The following SHISA9 variants were observed in gnomAD, a reference collection of about 807,000 sequenced individuals.
SHISA9 encodes shisa family member 9.
In SHISA9, 13 loss-of-function variants were observed where a neutral mutation model predicts 38.0. The observed-to-expected ratio is 0.34, with a 90% CI of 0.22 to 0.54. SHISA9 has a LOEUF of 0.54. Ranked by LOEUF, SHISA9 falls within the 20% of genes least tolerant of loss-of-function variation. The pLI is 0.91. For synonymous variants in SHISA9, 275 were observed against 242.0 expected (o/e 1.14, Z -1.27); for missense variants, 538 against 575.8 (o/e 0.93, Z 0.67).
chr16:13,307,397 C>A, the SHISA9 span, among the ~76,000 whole-genome samples: 1 of 152,256 alleles, frequency 6.6e-6, no homozygotes, highest in East Asian at 1.9e-4. Flanking sequence ...TTCAGACATC[C>A]AGGAATGAGG....
intron 2 of SHISA9, among the ~76,000 whole-genome samples, chr16:13,034,851 C>T (rs2073034835): frequency 1.3e-5 from 2 of 152,164 alleles, no homozygotes; most frequent in Admixed American, 6.5e-5. Flanking sequence ...AGGTCATTCC[C>T]TTCTCCCATC....
At chr16:13,406,407 G>A in the SHISA9 span, among the ~76,000 whole-genome samples, 1 of 152,106 alleles carries the variant, frequency 6.6e-6, no homozygotes. Context: ...TGGCTACCTG[G>A]AATAGATTCC....
chr16:12,970,373 ATATATATACATATATG>A (rs1464697375), intron 2 of SHISA9, among the ~76,000 whole-genome samples: 1 of 78,482 alleles, frequency 1.3e-5, no homozygotes, highest in African/African-American at 5.6e-5. Context: ...ATATATACAT[ATATATATACATATATG>A]TATATATATA....
the SHISA9 span, among the ~76,000 whole-genome samples, chr16:13,425,351 G>A: frequency 2.6e-5 from 4 of 152,226 alleles, no homozygotes; most frequent in African/African-American, 9.6e-5. Flanking sequence ...TCCAGGCATG[G>A]TGGCACGTTT....
the SHISA9 span, among the ~76,000 whole-genome samples, chr16:13,467,253 C>T: frequency 6.6e-6 from 1 of 152,142 alleles, no homozygotes; most frequent in Admixed American, 6.5e-5. Context: ...CATCCAATCT[C>T]CTGGGGGCCC....
At chr16:13,313,731 A>G in the SHISA9 span, among the ~76,000 whole-genome samples, 1 of 152,268 alleles carries the variant, frequency 6.6e-6, no homozygotes, top group Non-Finnish European at 1.5e-5. Flanking sequence ...CAAGTATATA[A>G]AAATGAAAAA....
chr16:13,408,985 C>G, the SHISA9 span, among the ~76,000 whole-genome samples: 1 of 152,182 alleles, frequency 6.6e-6, no homozygotes, highest in Non-Finnish European at 1.5e-5. Context: ...AAAAAGTTGT[C>G]TTTTGGCCTG....
intron 2 of SHISA9, among the ~76,000 whole-genome samples, chr16:12,924,476 G>C (rs1056670269): frequency 1.3e-5 from 2 of 152,092 alleles, no homozygotes; most frequent in Non-Finnish European, 2.9e-5. Context: ...TTCTTTTCTA[G>C]GAAGTCACAG....
chr16:13,172,506 T>C (rs1363901088), intron 2 of SHISA9, among the ~76,000 whole-genome samples: 1 of 152,240 alleles, frequency 6.6e-6, no homozygotes, highest in African/African-American at 2.4e-5. Context: ...GCAACCATCT[T>C]GACTTTGGTC....
chr16:13,455,787 C>T, the SHISA9 span, among the ~76,000 whole-genome samples: 1 of 152,246 alleles, frequency 6.6e-6, no homozygotes, highest in East Asian at 1.9e-4. Context: ...ACCGCAGCCT[C>T]CCTCCCCCAG....
intron 2 of SHISA9, among the ~76,000 whole-genome samples, chr16:12,965,186 A>G (rs888610102): frequency 6.6e-6 from 1 of 152,138 alleles, no homozygotes; most frequent in African/African-American, 2.4e-5. Flanking sequence ...TTACATCAAT[A>G]TTACAGCCCT....
At chr16:13,366,998 A>C in the SHISA9 span, among the ~76,000 whole-genome samples, 1 of 147,846 alleles carries the variant, frequency 6.8e-6, no homozygotes, top group Admixed American at 6.8e-5. Context: ...AAAAAAAAAA[A>C]AAAGAAGAAG....
At chr16:12,970,335 A>ACATATATG (rs1567356747) in intron 2 of SHISA9, among the ~76,000 whole-genome samples, 1 of 91,426 alleles carries the variant, frequency 1.1e-5, no homozygotes, top group Non-Finnish European at 2.0e-5. Flanking sequence ...ACATATATAT[A>ACATATATG]TATATATACA....
At chr16:13,171,125 T>C (rs1596699671) in intron 2 of SHISA9, among the ~76,000 whole-genome samples, 1 of 152,120 alleles carries the variant, frequency 6.6e-6, no homozygotes, top group East Asian at 1.9e-4. Flanking sequence ...GCGTGTCACA[T>C]GGCAAGAGAG....
chr16:13,097,973 T>A (rs373351839), intron 2 of SHISA9, among the ~76,000 whole-genome samples: 10 of 152,328 alleles, frequency 6.6e-5, no homozygotes, highest in African/African-American at 2.2e-4. Flanking sequence ...CAACATTAAC[T>A]GAGCACTTAC....
chr16:13,540,022 A>T, the SHISA9 span, among the ~76,000 whole-genome samples: 1 of 152,160 alleles, frequency 6.6e-6, no homozygotes, highest in Non-Finnish European at 1.5e-5. Context: ...GGTGGATTCC[A>T]TGTCTTTGCT....
intron 2 of SHISA9, among the ~76,000 whole-genome samples, chr16:13,187,328 CTTT>C (rs372286181): frequency 1.2e-3 from 108 of 90,706 alleles, no homozygotes; most frequent in African/African-American, 2.0e-3. Flanking sequence ...CTTTTCTTTT[CTTT>C]TTTTTTTTTT....
At chr16:13,247,321 C>A in the SHISA9 span, among the ~76,000 whole-genome samples, 1 of 152,120 alleles carries the variant, frequency 6.6e-6, no homozygotes, top group Admixed American at 6.6e-5. Flanking sequence ...GAAACCATAT[C>A]AATCATCTTA....
chr16:12,963,586 C>G (rs762301424), intron 2 of SHISA9, among the ~76,000 whole-genome samples: 2 of 152,172 alleles, frequency 1.3e-5, no homozygotes, highest in African/African-American at 4.8e-5. Flanking sequence ...GTTTTATATA[C>G]TTGTGTCATT....
Sources: gnomAD v4.1 joint callset for allele counts (sites outside exome capture counted in the v4.1 genomes callset) on GRCh38, gnomAD v4.1.1 for gene constraint, MANE v1.5 for transcripts, NCBI Gene and HGNC (gene_info 2026-07-23, HGNC 2026-07-21) for gene names.